Variants in PPFIBP2 observed in about 807,000 individuals in gnomAD.
PPFIBP2 encodes the protein PPFIB scaffold protein 2.
A neutral mutation model predicts 118.3 loss-of-function variants in PPFIBP2; 118 were observed. That is an observed-to-expected ratio of 1.00 (90% CI 0.86 to 1.16). The LOEUF is 1.16. PPFIBP2 is among the 50% of genes most tolerant of loss of function. PPFIBP2 has a pLI of 0.00. For synonymous variants in PPFIBP2, 414 were observed against 397.4 expected (o/e 1.04, Z -0.50); for missense variants, 1,195 against 1,073.1 (o/e 1.11, Z -1.59).
intron 3 of PPFIBP2, among the ~76,000 whole-genome samples, chr11:7,575,787 G>C (rs1282232090): frequency 6.6e-6 from 1 of 152,214 alleles, no homozygotes; most frequent in Non-Finnish European, 1.5e-5. Context: ...GTTCTTCCTT[G>C]GCAACATCCT....
chr11:7,665,826 C>G, the PPFIBP2 span: 38 of 1,532,950 alleles, frequency 2.5e-5, no homozygotes, highest in Non-Finnish European at 3.0e-5. Context: ...ACGAGGTATA[C>G]CGAGGTGTGT....
At chr11:7,639,694 T>TAA (rs1452195591) in intron 14 of PPFIBP2, 38 bp from the exon 15 acceptor site, 3 of 1,613,120 alleles carry the variant, frequency 1.9e-6, no homozygotes, top group African/African-American at 2.7e-5. Context: ...GGCTGACAGT[T>TAA]AAGTCGGTAT....
intron 4 of PPFIBP2, among the ~76,000 whole-genome samples, chr11:7,596,299 T>TGA (rs1860281217): frequency 1.3e-5 from 2 of 152,096 alleles, no homozygotes; most frequent in Non-Finnish European, 2.9e-5. Context: ...TCAGGATGGC[T>TGA]GAGAGTGTTG....
intron 9 of PPFIBP2, 47 bp from the exon 10 acceptor site, chr11:7,629,412 A>C (rs1850455832): frequency 6.4e-7 from 1 of 1,563,694 alleles, no homozygotes; most frequent in African/African-American, 1.4e-5. Context: ...AAATCATCTG[A>C]GATGCCAGCA....
At chr11:7,563,785 T>C (rs1041127072) in intron 2 of PPFIBP2, among the ~76,000 whole-genome samples, 5 of 152,230 alleles carry the variant, frequency 3.3e-5, no homozygotes, top group African/African-American at 1.2e-4. Context: ...TGTTAGACTG[T>C]TGCCCCAGTT....
At position 7,635,603 on chromosome 11, in the gene PPFIBP2, C is replaced by T. The variant is rs769271019; in HGVS notation, c.1236+10C>T. ...GGTGTTAGAACCCAAGGTACATTGA[C>T]TTCGTGCCCCGTCGTCTATTTGTGG... On this transcript the variant is annotated intron_variant, in intron 14 of 23. Coordinates refer to ENST00000299492, the MANE Select transcript of PPFIBP2 (RefSeq NM_003621.5). 6.2e-6 allele frequency: 10 copies of T among 1,602,130 alleles called. No individual in the cohort carries two copies. The African/African-American group carries it at 6.7e-5, about 11-fold the overall frequency.
At chr11:7,600,052 G>A (rs1861150969) in intron 5 of PPFIBP2, among the ~76,000 whole-genome samples, 2 of 152,140 alleles carry the variant, frequency 1.3e-5, no homozygotes, top group South Asian at 4.2e-4. Context: ...GTCTTAACCT[G>A]GCATATTTTG....
rs1852196853 is a variant in PPFIBP2, at chr11:7,641,550, T to C, written c.1447T>C (p.Ser483Pro). 1 of 1,613,558 alleles carries C rather than the reference T, an allele frequency of 6.2e-7. No individual in the cohort carries two copies. Among genetic ancestry groups the C allele is most frequent in the Non-Finnish European group, 8.5e-7 (1 of 1,179,518 alleles). Residue 483 changes from serine to proline, a missense_variant, in exon 16 of 24, where the codon TCA (serine) becomes CCA (proline). Coordinates refer to ENST00000299492, the MANE Select transcript of PPFIBP2 (RefSeq NM_003621.5). ...DLSSTSSGTE[S>P]GPQSPLTPDG... ...CTCATCCACATCATCGGGCACTGAA[T>C]CAGGTCCTCAGTCTCCTCTGACACC...
At chr11:7,563,968 A>G (rs552105860) in intron 2 of PPFIBP2, among the ~76,000 whole-genome samples, 1 of 152,278 alleles carries the variant, frequency 6.6e-6, no homozygotes, top group East Asian at 1.9e-4. Context: ...GATTGAGACC[A>G]TCCTGGCTAA....
chr11:7,665,231 A>G, the PPFIBP2 span: 1 of 701,902 alleles, frequency 1.4e-6, no homozygotes, highest in Non-Finnish European at 2.2e-6. Context: ...TGTTAGGCCC[A>G]CACCCAAAAG....
At chr11:7,565,821 C>T in intron 3 of PPFIBP2, 54 bp downstream of exon 3, 5 of 1,570,662 alleles carry the variant, frequency 3.2e-6, no homozygotes, top group South Asian at 1.1e-5. Flanking sequence ...ATGGTGCAGC[C>T]CATGGAGTGC....
chr11:7,534,372 A>G (rs1056909547), intron 1 of PPFIBP2, among the ~76,000 whole-genome samples: 4 of 152,152 alleles, frequency 2.6e-5, no homozygotes, highest in African/African-American at 7.2e-5. Context: ...TAGGGGGGCA[A>G]TTTTTGAGAT....
intron 2 of PPFIBP2, among the ~76,000 whole-genome samples, chr11:7,559,371 A>G (rs1033927530): frequency 1.3e-5 from 2 of 152,120 alleles, no homozygotes; most frequent in African/African-American, 4.8e-5. Context: ...ATTTTTTTAC[A>G]GGAGGTAATT....
chr11:7,666,741 G>A, the PPFIBP2 span: 3 of 491,076 alleles, frequency 6.1e-6, no homozygotes. Flanking sequence ...TGTGGATGAA[G>A]TTCCTCCATG....
intron 1 of PPFIBP2, among the ~76,000 whole-genome samples, chr11:7,542,205 T>A (rs1343566904): frequency 6.6e-6 from 1 of 152,176 alleles, no homozygotes; most frequent in Admixed American, 6.5e-5. Context: ...ATCTGTTTTC[T>A]CATCTGTAAC....
Position 7,549,531 on chromosome 11 carries a change from T to C in PPFIBP2, c.56T>C (p.Ile19Thr). The C allele has an allele frequency of 6.4e-7, 1 of 1,563,036 alleles. No individual in the cohort carries two copies. Residue 19 changes from isoleucine (I) to threonine (T), a missense_variant, in exon 2 of 24, where the codon ATC (isoleucine) becomes ACC (threonine). Physicochemically the swap from Ile to Thr is moderately conservative, Grantham distance 89 (BLOSUM62 -1). Transcript: ENST00000299492. ...LEAALEQMDG[I>T]IAGTKTGADL... ...GCTGCCCTGGAGCAAATGGACGGGA[T>C]CATTGCAGGTACGCCCAGGGAACCC... is the stretch of plus-strand genomic sequence containing the variant.
At chr11:7,586,043 A>G (rs1858112564) in intron 3 of PPFIBP2, among the ~76,000 whole-genome samples, 1 of 152,232 alleles carries the variant, frequency 6.6e-6, no homozygotes, top group African/African-American at 2.4e-5. Flanking sequence ...TTGTTCAGGG[A>G]TAGTGGAGAA....
At chr11:7,662,773 A>T in the PPFIBP2 span, among the ~76,000 whole-genome samples, 80,622 of 150,152 alleles carry the variant, frequency 0.54, 23,213 homozygotes, top group Non-Finnish European at 0.65. Context: ...TCCCCATCAC[A>T]TTCAGGTCCA....
chr11:7,629,816 T>C (rs976618709), intron 10 of PPFIBP2, among the ~76,000 whole-genome samples: 3 of 152,208 alleles, frequency 2.0e-5, no homozygotes, highest in Non-Finnish European at 4.4e-5. Flanking sequence ...CTCTTATGCA[T>C]CTTCCCAGGA....
Sources: gnomAD v4.1 joint callset for allele counts (sites outside exome capture counted in the v4.1 genomes callset) on GRCh38, gnomAD v4.1.1 for gene constraint, MANE v1.5 for transcripts, NCBI Gene and HGNC (gene_info 2026-07-23, HGNC 2026-07-21) for gene names.